The following WDR49 variants were observed in gnomAD, a reference collection of about 807,000 sequenced individuals.
The protein encoded by WDR49 is WD repeat domain 49.
Under a neutral mutation model 119.5 loss-of-function variants are expected in WDR49, and 107 were observed. The observed-to-expected ratio is 0.90, with a 90% CI of 0.77 to 1.05. The LOEUF is 1.05. Among genes scored for constraint, WDR49 ranks in the 50% least tolerant of loss-of-function variants. The pLI, the probability that WDR49 is intolerant of heterozygous loss-of-function variation, is 0.00. For synonymous variants in WDR49, 425 were observed against 418.8 expected, an observed-to-expected ratio of 1.01 and a Z score of -0.18; for missense variants, 1,240 against 1,220.5, an observed-to-expected ratio of 1.02 and a Z score of -0.24.
At chr3:167,608,571 A>T (rs978033790) in intron 5 of WDR49, among the ~76,000 whole-genome samples, 3 of 152,214 alleles carry the variant, frequency 2.0e-5, no homozygotes, top group African/African-American at 7.2e-5. Flanking sequence ...TTCTGATTAA[A>T]CTGTAGAATG....
intron 5 of WDR49, among the ~76,000 whole-genome samples, chr3:167,616,774 C>A (rs545352823): frequency 3.4e-4 from 51 of 152,074 alleles, no homozygotes; most frequent in Non-Finnish European, 5.7e-4. Context: ...TATACACACA[C>A]CCCAAGAAAA....
intron 6 of WDR49, among the ~76,000 whole-genome samples, chr3:167,603,448 A>C (rs547999771): frequency 6.6e-6 from 1 of 152,274 alleles, no homozygotes; most frequent in Admixed American, 6.5e-5. Flanking sequence ...TCACGAATTC[A>C]TATTCAAGGT....
At chr3:167,646,260 G>T (rs1718124410) in intron 2 of WDR49, among the ~76,000 whole-genome samples, 1 of 152,168 alleles carries the variant, frequency 6.6e-6, no homozygotes, top group African/African-American at 2.4e-5. Flanking sequence ...GAAAGGAATA[G>T]ATCTTCCCAT....
chr3:167,594,410 G>T (rs1715302261), intron 7 of WDR49, among the ~76,000 whole-genome samples: 3 of 152,168 alleles, frequency 2.0e-5, no homozygotes, highest in African/African-American at 7.2e-5. Context: ...GTGGCATTTT[G>T]CCCCTGCCCT....
chr3:167,539,629 T>A (rs1474087162), intron 10 of WDR49, among the ~76,000 whole-genome samples: 1 of 152,178 alleles, frequency 6.6e-6, no homozygotes, highest in Admixed American at 6.6e-5. Flanking sequence ...GCAAGCATAG[T>A]GACCTATACA....
intron 17 of WDR49, among the ~76,000 whole-genome samples, chr3:167,502,751 T>G (rs1422200224): frequency 1.3e-5 from 2 of 152,172 alleles, no homozygotes; most frequent in African/African-American, 4.8e-5. Flanking sequence ...GCACTCAAGA[T>G]GTTCCCTGGC....
intron 7 of WDR49, among the ~76,000 whole-genome samples, chr3:167,601,255 A>C (rs1715753109): frequency 6.6e-6 from 1 of 152,312 alleles, no homozygotes; most frequent in South Asian, 2.1e-4. Flanking sequence ...AAAATAAGTA[A>C]GTTTGGTAGA....
At position 167,604,335 on chromosome 3, in the gene WDR49, A is replaced by G. The variant is rs1334160128; in HGVS notation, c.1092T>C (p.His364=). The G allele has an allele frequency of 5.6e-6, 9 of 1,613,716 alleles. No homozygotes were observed. In the Admixed American group the frequency reaches 1.3e-4, roughly 24 times the overall value. ...MTSFNIAQGI[H]AFDYHSRLNL... is the part of the protein sequence containing the mutation. Reference sequence around the variant, plus strand: ...TGAGCCGAGAGTGATAATCAAAAGCATGAATGCCCTGGGCAATGTTGAAGG... The same window carrying G: ...TGAGCCGAGAGTGATAATCAAAAGCGTGAATGCCCTGGGCAATGTTGAAGG... Residue 364 remains histidine, a synonymous_variant, in exon 6 of 19, where the codon CAT becomes CAC. Coordinates refer to ENST00000682715, the MANE Select transcript of WDR49 (RefSeq NM_001366157.1).
chr3:167,546,691 C>CA lies in WDR49; in HGVS notation c.1823+7958dup, dbSNP rs577403777. Among the ~76,000 whole-genome samples, 610 of 90,916 alleles carry CA rather than the reference C, an allele frequency of 6.7e-3. 6 individuals are homozygous for CA. Among genetic ancestry groups the CA allele is most frequent in the East Asian group, 0.027 (87 of 3,232 alleles). 59.6% of individuals were successfully genotyped at this position (90,916 alleles called of 152,430 possible). A position where few individuals can be genotyped will look rare whatever the true frequency, so the allele number is the denominator to read the frequency against. ...ACAAAATTAGTTTACCTGTCAAGTG[C>CA]AAAAAAAAAAAAAAAGAAAAATATT... On this transcript the variant is annotated intron_variant, in intron 10 of 18. Coordinates refer to ENST00000682715, the MANE Select transcript of WDR49 (RefSeq NM_001366157.1).
At chr3:167,532,826 G>T in intron 12 of WDR49, 53 bp downstream of exon 12, 1 of 1,335,420 alleles carries the variant, frequency 7.5e-7, no homozygotes, top group Non-Finnish European at 1.1e-6. Context: ...TGAACAACCA[G>T]GCCTACTGTG....
intron 7 of WDR49, among the ~76,000 whole-genome samples, chr3:167,583,148 A>G (rs1714636145): frequency 6.6e-6 from 1 of 152,168 alleles, no homozygotes; most frequent in South Asian, 2.1e-4. Context: ...TTATTCACAT[A>G]ACATTAAAAC....
intron 8 of WDR49, 50 bp from the exon 9 acceptor site, chr3:167,560,278 C>A: frequency 3.2e-6 from 5 of 1,539,240 alleles, no homozygotes; most frequent in Non-Finnish European, 2.6e-6. Context: ...TCAGAATCAA[C>A]CATTTATATT....
At chr3:167,490,932 G>GTT (rs34400583) in intron 18 of WDR49, among the ~76,000 whole-genome samples, 3 of 151,352 alleles carry the variant, frequency 2.0e-5, no homozygotes, top group Non-Finnish European at 2.9e-5. Flanking sequence ...AATCTTATGT[G>GTT]TTTTTTTTCA....
intron 11 of WDR49, among the ~76,000 whole-genome samples, chr3:167,535,769 T>C (rs1752998414): frequency 6.6e-6 from 1 of 152,124 alleles, no homozygotes; most frequent in African/African-American, 2.4e-5. Flanking sequence ...GGAAGAGATA[T>C]CTGCACCACA....
At chr3:167,611,437 A>G (rs1020019681) in intron 5 of WDR49, among the ~76,000 whole-genome samples, 8 of 152,192 alleles carry the variant, frequency 5.3e-5, no homozygotes, top group Admixed American at 2.6e-4. Context: ...AGAGAAAACC[A>G]AATAACAAAT....
chr3:167,625,576 A>G (rs1717095303), intron 3 of WDR49, among the ~76,000 whole-genome samples: 1 of 152,018 alleles, frequency 6.6e-6, no homozygotes, highest in Non-Finnish European at 1.5e-5. Context: ...TCTAGCTTAA[A>G]GGAAAAGGAA....
At chr3:167,616,135 G>GT (rs1171517109) in intron 5 of WDR49, among the ~76,000 whole-genome samples, 1 of 152,190 alleles carries the variant, frequency 6.6e-6, no homozygotes, top group Admixed American at 6.5e-5. Flanking sequence ...CCTAGCAAAT[G>GT]TTTTTTGGGT....
chr3:167,525,861 C>CAA (rs34265030), intron 15 of WDR49, among the ~76,000 whole-genome samples: 29,100 of 149,918 alleles, frequency 0.19, 2,969 homozygotes, highest in African/African-American at 0.27. Context: ...AAACAAACAA[C>CAA]AAAAAAAAAC....
rs527407691 is a variant in WDR49 at position 167,602,358 on chromosome 3, A to G, written c.1127-83T>C. 1.2e-3 allele frequency: 1,558 copies of G among 1,260,756 alleles called. 4 individuals are homozygous for G. The Middle Eastern group carries it at 0.019, about 15-fold the overall frequency. The allele number at this position is 1,260,756 out of a possible 1,614,324, so 78.1% of individuals were successfully genotyped here. On this transcript the variant is annotated intron_variant, in intron 6 of 18. Coordinates refer to ENST00000682715, the MANE Select transcript of WDR49 (RefSeq NM_001366157.1). ...TTTCTTTGTGAAATGAGTTTACCAT[A>G]TAACTCTAGCTTGATGAATGTCAAC... is the stretch of plus-strand genomic sequence containing the variant.
Sources: gnomAD v4.1 joint callset for allele counts (sites outside exome capture counted in the v4.1 genomes callset) on GRCh38, gnomAD v4.1.1 for gene constraint, MANE v1.5 for transcripts, NCBI Gene and HGNC (gene_info 2026-07-23, HGNC 2026-07-21) for gene names.